Variants in SUGP2 observed in about 807,000 individuals in gnomAD.
SUGP2 encodes SURP and G-patch domain-containing protein 2.
Under a neutral mutation model 90.5 loss-of-function variants are expected in SUGP2, and 24 were observed. The ratio of observed to expected loss-of-function variants is 0.27; its 90% confidence interval spans 0.19 to 0.37. The LOEUF is 0.37. SUGP2 is among the 10% of genes least tolerant of loss of function. SUGP2 has a pLI of 1.00. For missense variants in SUGP2, 1,233 were observed against 1,363.3 expected (o/e 0.90, Z 1.51); for synonymous variants, 473 against 513.4 (o/e 0.92, Z 1.06).
rs953329830 is a variant in SUGP2 at position 19,025,782 on chromosome 19, C to T, written c.566G>A (p.Arg189Gln). The T allele has an allele frequency of 1.4e-5, 22 of 1,613,800 alleles. No individual in the cohort carries two copies. The highest frequency in any genetic ancestry group is 9.4e-5 in the African/African-American group (7 of 74,814). The change falls in exon 3 of 11, where the codon CGG (arginine) becomes CAG (glutamine). Residue 189 changes from arginine (R) to glutamine (Q), a missense_variant. Physicochemically the swap from Arg to Gln is conservative, Grantham distance 43. Around this residue, in one of 8 missense-constraint regions of SUGP2, gnomAD observed 418 missense variants for 399.9 expected, o/e 1.05. Coordinates refer to ENST00000452918, the MANE Select transcript of SUGP2 (RefSeq NM_001017392.5). The stretch of plus-strand genomic sequence containing the variant: ...CCCAGGATGGTCCACGTCATAATCC[C>T]GACTCTCCTTCTCCAAACACTCTTT... The part of the protein sequence containing the change: ...IEKECLEKES[R>Q]DYDVDHPGEA...
intron 6 of SUGP2, among the ~76,000 whole-genome samples, chr19:19,006,040 C>A (rs2058066146): frequency 6.6e-6 from 1 of 151,948 alleles, no homozygotes; most frequent in Admixed American, 6.6e-5. Context: ...ACTAGCCTGG[C>A]CAACATGGTG....
chr19:19,031,422 T>C (rs963482203), intron 1 of SUGP2, among the ~76,000 whole-genome samples: 1 of 151,684 alleles, frequency 6.6e-6, no homozygotes, highest in African/African-American at 2.4e-5. Context: ...TAATCCCAGC[T>C]ACTTGGGAGG....
At position 19,009,942 on chromosome 19, in the gene SUGP2, A is replaced by G; in HGVS notation, c.2251T>C (p.Leu751=). 6.2e-7 allele frequency: 1 copy of G among 1,614,176 alleles called. No homozygotes were observed. The highest frequency in any genetic ancestry group is 1.1e-5 in the South Asian group (1 of 91,084). Residue 751 remains leucine, a synonymous_variant, in exon 5 of 11, where the codon TTA becomes CTA. Coordinates refer to ENST00000452918, the MANE Select transcript of SUGP2 (RefSeq NM_001017392.5). ...PVGPSPQDPS[L]EASGPSPKPA... ...TTGGGGGATGGGCCTGAGGCTTCTA[A>G]GCTGGGGTCCTGAGGAGAAGGTCCA... is the stretch of plus-strand genomic sequence containing the variant.
intron 2 of SUGP2, among the ~76,000 whole-genome samples, chr19:19,029,624 T>A (rs1021221131): frequency 3.3e-5 from 5 of 150,626 alleles, no homozygotes; most frequent in Admixed American, 2.0e-4. Context: ...TTTTTTTGAT[T>A]TTTAGTAAAG....
chr19:19,022,630 G>A (rs1326858015), intron 3 of SUGP2, among the ~76,000 whole-genome samples: 1 of 152,208 alleles, frequency 6.6e-6, no homozygotes, highest in South Asian at 2.1e-4. Context: ...AAGACTGTGG[G>A]AGGGTAAGTG....
chr19:19,021,885 G>C (rs1374979748), intron 3 of SUGP2, among the ~76,000 whole-genome samples: 2 of 152,002 alleles, frequency 1.3e-5, no homozygotes. Context: ...GGCTGGTCTC[G>C]AACTCCTGAC....
At position 19,024,844 on chromosome 19, in the gene SUGP2, C is replaced by T. The variant is rs753611332; in HGVS notation, c.1504G>A (p.Val502Ile). 3.7e-6 allele frequency: 6 copies of T among 1,614,058 alleles called. No homozygotes were observed. Among genetic ancestry groups the T allele is most frequent in the South Asian group, 1.1e-5 (1 of 91,086 alleles). The change falls in exon 3 of 11, where the codon GTC becomes ATC. Residue 502 changes from valine (V) to isoleucine (I), a missense_variant. By Grantham distance (29) the Val-to-Ile change is conservative. This residue lies in a region of SUGP2 where 59 missense variants were observed against 92.6 expected (regional missense o/e 0.64). Transcript: ENST00000452918. ...SFRQEKILEAVGLQDIAPSPA... is the reference protein window; with the variant it reads ...SFRQEKILEAIGLQDIAPSPA... The stretch of plus-strand genomic sequence containing the variant: ...GAGGGAGCTATATCTTGCAGGCCGA[C>T]AGCTTCTAAGATTTTCTCCTGCCGG...
At chr19:19,021,885 G>A (rs1374979748) in intron 3 of SUGP2, among the ~76,000 whole-genome samples, 1 of 152,002 alleles carries the variant, frequency 6.6e-6, no homozygotes, top group African/African-American at 2.4e-5. Context: ...GGCTGGTCTC[G>A]AACTCCTGAC....
chr19:18,994,237 T>G, intron 10 of SUGP2, 129 bp downstream of exon 10: 2 of 1,266,314 alleles, frequency 1.6e-6, no homozygotes, highest in Non-Finnish European at 2.2e-6. Context: ...CCTCACAGAA[T>G]TTTGTGATTT....
chr19:19,027,026 T>C (rs1361609892), intron 2 of SUGP2, among the ~76,000 whole-genome samples: 1 of 152,020 alleles, frequency 6.6e-6, no homozygotes, highest in Non-Finnish European at 1.5e-5. Flanking sequence ...AAACCTATAA[T>C]CCCTGCACTT....
intron 7 of SUGP2, among the ~76,000 whole-genome samples, chr19:19,003,244 G>GTGAC (rs2057918930): frequency 6.6e-6 from 1 of 152,244 alleles, no homozygotes; most frequent in Non-Finnish European, 1.5e-5. Context: ...ACATGTAAAT[G>GTGAC]TGACTGTCTG....
rs1599531163 is a variant in SUGP2 at position 19,020,304 on chromosome 19, C to T, written c.1730-1075G>A. ...AAAATTAGCTGGGCATGGTGGCGGG[C>T]GCCTGTAGTCCCAGCTACTTGGGAG... is the stretch of plus-strand genomic sequence containing the variant. On this transcript the variant is annotated intron_variant, in intron 3 of 10. Transcript: ENST00000452918. Among the ~76,000 whole-genome samples, 5 of 151,274 alleles carry T rather than the reference C, an allele frequency of 3.3e-5. 1 individual carries two copies. In the South Asian group the frequency reaches 8.3e-4, roughly 25 times the overall value.
chr19:19,026,598 T>G (rs2058942551), intron 2 of SUGP2, among the ~76,000 whole-genome samples: 1 of 152,178 alleles, frequency 6.6e-6, no homozygotes, highest in Admixed American at 6.5e-5. Context: ...ACAATCCCTC[T>G]TTTAGTCTGA....
intron 8 of SUGP2, among the ~76,000 whole-genome samples, chr19:18,998,663 G>A (rs550514935): frequency 6.6e-6 from 1 of 152,124 alleles, no homozygotes; most frequent in African/African-American, 2.4e-5. Flanking sequence ...GTGTGTGTGC[G>A]TGAGTTACTG....
intron 4 of SUGP2, among the ~76,000 whole-genome samples, chr19:19,016,381 C>T (rs549210030): frequency 6.6e-6 from 1 of 152,112 alleles, no homozygotes; most frequent in Non-Finnish European, 1.5e-5. Flanking sequence ...CCGTCTGCTG[C>T]CCCTGGTTAT....
chr19:18,992,348 CTTTT>C lies in SUGP2; in HGVS notation c.*1389_*1392del, dbSNP rs60167563. The C allele has an allele frequency of 4.8e-5, 4 of 83,608 alleles. No homozygotes were observed. The highest frequency in any genetic ancestry group is 2.3e-5 in the Non-Finnish European group (1 of 44,114). The allele number at this position is 83,608 out of a possible 1,614,324, so 5.2% of individuals were successfully genotyped here. Reference sequence around the variant, plus strand: ...TATAGGCGTGAGTCACCGTGCCGGCCTTTTTTTTTTTTTTTTTTGGAGATGGAGT... The same window carrying C: ...TATAGGCGTGAGTCACCGTGCCGGCCTTTTTTTTTTTTTTGGAGATGGAGT... On this transcript the variant is annotated 3_prime_UTR_variant, in exon 11 of 11. Transcript: ENST00000452918.
At chr19:19,001,823 T>G (rs1294074242) in intron 7 of SUGP2, 149 bp from the exon 8 acceptor site, 8 of 745,570 alleles carry the variant, frequency 1.1e-5, no homozygotes, top group Non-Finnish European at 1.8e-5. Flanking sequence ...GAGCCCCAGC[T>G]CCTCTCAAGA....
In SUGP2 at chr19:18,999,603, G is replaced by A. The variant is rs1322512699; in HGVS notation, c.2991+2010C>T. Among the ~76,000 whole-genome samples, 3 of 152,324 alleles carry A rather than the reference G, an allele frequency of 2.0e-5. No homozygotes were observed. The East Asian group carries it at 5.8e-4, about 29-fold the overall frequency. Reference sequence around the variant, plus strand: ...CCTGGCACATCAGTAAGGACTATGAGCTCTGGACTCGGGAAGGTCCCTCCT... The same window carrying A: ...CCTGGCACATCAGTAAGGACTATGAACTCTGGACTCGGGAAGGTCCCTCCT... On this transcript the variant is annotated intron_variant, in intron 8 of 10. Transcript: ENST00000452918.
chr19:19,008,213 A>T (rs1390616934), intron 6 of SUGP2, 104 bp downstream of exon 6: 1 of 952,228 alleles, frequency 1.1e-6, no homozygotes, highest in Non-Finnish European at 1.7e-6. Context: ...CTGAAACAGG[A>T]GGATCACTTG....
Sources: allele counts gnomAD v4.1 joint callset (sites outside exome capture counted in the v4.1 genomes callset), GRCh38; gene constraint gnomAD v4.1.1; regional missense constraint gnomAD v4.1.1; transcripts MANE v1.5; gene names NCBI Gene and HGNC (gene_info 2026-07-23, HGNC 2026-07-21).